The following ENTREP2 variants were observed in gnomAD, a reference collection of about 807,000 sequenced individuals.
The protein encoded by ENTREP2 is endosomal transmembrane epsin interactor 2, also known as protein ENTREP2.
the ENTREP2 span, among the ~76,000 whole-genome samples, chr15:29,397,594 G>T: frequency 4.1e-4 from 62 of 152,266 alleles, no homozygotes; most frequent in South Asian, 0.012. Flanking sequence ...AATAAACAAA[G>T]CATGGGCTCT....
the ENTREP2 span, among the ~76,000 whole-genome samples, chr15:29,587,643 T>G: frequency 6.6e-6 from 1 of 152,092 alleles, no homozygotes; most frequent in Non-Finnish European, 1.5e-5. Context: ...GGAAACCAGT[T>G]AGTAGATGAG....
the ENTREP2 span, chr15:29,376,039 G>T: frequency 5.9e-5 from 9 of 151,894 alleles, no homozygotes; most frequent in Admixed American, 3.3e-4. Context: ...GATCTATATG[G>T]TACTCATATT....
the ENTREP2 span, among the ~76,000 whole-genome samples, chr15:29,451,507 C>T: frequency 6.6e-6 from 1 of 152,122 alleles, no homozygotes; most frequent in Non-Finnish European, 1.5e-5. Flanking sequence ...GGGCCAGTCA[C>T]AAGTCAGGCA....
chr15:29,158,544 A>G, the ENTREP2 span, among the ~76,000 whole-genome samples: 13 of 151,822 alleles, frequency 8.6e-5, no homozygotes, highest in African/African-American at 3.1e-4. Context: ...TATCTGGACT[A>G]CAGGAGCACG....
chr15:29,557,395 G>C, the ENTREP2 span, among the ~76,000 whole-genome samples: 2 of 152,116 alleles, frequency 1.3e-5, no homozygotes, highest in Admixed American at 1.3e-4. Context: ...TCCCAGGGAC[G>C]AGCTCCACAG....
chr15:29,460,130 T>TA, the ENTREP2 span, among the ~76,000 whole-genome samples: 1 of 105,778 alleles, frequency 9.5e-6, no homozygotes, highest in African/African-American at 3.3e-5. Context: ...TGCACGCCTG[T>TA]AGTCCCAGCT....
At chr15:29,572,146 C>T in the ENTREP2 span, among the ~76,000 whole-genome samples, 13 of 152,142 alleles carry the variant, frequency 8.5e-5, no homozygotes, top group African/African-American at 2.2e-4. Flanking sequence ...CTTTATCAGC[C>T]AACACTTTAG....
the ENTREP2 span, among the ~76,000 whole-genome samples, chr15:29,653,345 C>G: frequency 3.3e-5 from 5 of 152,096 alleles, no homozygotes; most frequent in Non-Finnish European, 5.9e-5. Flanking sequence ...GTCTCTAACC[C>G]TTATATCGAT....
At chr15:29,671,354 G>GT in the ENTREP2 span, among the ~76,000 whole-genome samples, 4 of 152,216 alleles carry the variant, frequency 2.6e-5, no homozygotes, top group East Asian at 7.7e-4. Flanking sequence ...GGTGGGGATT[G>GT]TAAGAACCTC....
At chr15:29,458,348 T>C in the ENTREP2 span, among the ~76,000 whole-genome samples, 3 of 152,286 alleles carry the variant, frequency 2.0e-5, no homozygotes, top group Admixed American at 6.5e-5. Flanking sequence ...CTGATTCAAA[T>C]GTTTATCTCT....
At chr15:29,570,515 G>T in the ENTREP2 span, 2 of 1,410,726 alleles carry the variant, frequency 1.4e-6, no homozygotes, top group Non-Finnish European at 1.9e-6. Flanking sequence ...CGAGAAGCCT[G>T]CCCAGAAGGG....
At chr15:29,465,053 G>A in the ENTREP2 span, among the ~76,000 whole-genome samples, 1 of 152,068 alleles carries the variant, frequency 6.6e-6, no homozygotes, top group Admixed American at 6.6e-5. Context: ...AGGAGGAGCA[G>A]CCCCTTCACC....
At chr15:29,265,964 A>T in the ENTREP2 span, 1 of 152,360 alleles carries the variant, frequency 6.6e-6, no homozygotes, top group East Asian at 1.9e-4. Flanking sequence ...AAAGCACTAT[A>T]CACAAATGTA....
the ENTREP2 span, among the ~76,000 whole-genome samples, chr15:29,474,741 G>T: frequency 2.0e-5 from 3 of 152,026 alleles, no homozygotes; most frequent in Admixed American, 2.0e-4. Flanking sequence ...CGTTAGAACA[G>T]ACAGGGTTTC....
At chr15:29,336,500 A>G in the ENTREP2 span, among the ~76,000 whole-genome samples, 1 of 152,014 alleles carries the variant, frequency 6.6e-6, no homozygotes, top group African/African-American at 2.4e-5. Flanking sequence ...TAGTAGAGAC[A>G]AGGTCTCACT....
chr15:29,518,714 A>C, the ENTREP2 span, among the ~76,000 whole-genome samples: 4 of 152,290 alleles, frequency 2.6e-5, no homozygotes, highest in African/African-American at 7.2e-5. Context: ...ACAGGGGGAA[A>C]CCCACGCTGA....
At chr15:29,420,172 G>A in the ENTREP2 span, among the ~76,000 whole-genome samples, 1 of 152,180 alleles carries the variant, frequency 6.6e-6, no homozygotes, top group African/African-American at 2.4e-5. Context: ...TCTGGAAGTG[G>A]GGCTAATTTG....
At chr15:29,401,863 C>G in the ENTREP2 span, among the ~76,000 whole-genome samples, 1 of 152,060 alleles carries the variant, frequency 6.6e-6, no homozygotes, top group African/African-American at 2.4e-5. Context: ...AACTGACAAG[C>G]AAGACACAGC....
the ENTREP2 span, among the ~76,000 whole-genome samples, chr15:29,151,197 G>A: frequency 6.6e-6 from 1 of 152,138 alleles, no homozygotes; most frequent in Admixed American, 6.5e-5. Flanking sequence ...GGGCCTCCTC[G>A]CTGCCCCTGG....
Sources: allele counts gnomAD v4.1 joint callset (sites outside exome capture counted in the v4.1 genomes callset), GRCh38; gene constraint gnomAD v4.1.1; transcripts MANE v1.5; gene names NCBI Gene and HGNC (gene_info 2026-07-23, HGNC 2026-07-21).